Variants in GRXCR2 observed in about 807,000 individuals in gnomAD.
The protein encoded by GRXCR2 is glutaredoxin and cysteine rich domain containing 2, also known as glutaredoxin domain-containing cysteine-rich protein 2.
GRXCR2 carries 23 observed loss-of-function variants against 24.8 expected under a neutral mutation model. The observed-to-expected ratio is 0.93, with a 90% CI of 0.67 to 1.32. The LOEUF (loss-of-function observed/expected upper bound fraction) is 1.32, where lower values mean the gene tolerates loss of function less well. GRXCR2 is among the 40% of genes most tolerant of loss of function. GRXCR2 has a pLI of 0.00. For synonymous variants in GRXCR2, 130 were observed against 116.1 expected (o/e 1.12, Z -0.77); for missense variants, 315 against 303.4 (o/e 1.04, Z -0.28).
At chr5:145,875,420 G>T (rs1481672944), upstream of GRXCR2, among the ~76,000 whole-genome samples, 1 of 152,040 alleles carries the variant, frequency 6.6e-6, no homozygotes, top group Non-Finnish European at 1.5e-5. Context: ...GTGGTGGCAG[G>T]CACTTATAGT....
At chr5:145,896,111 T>C (rs56337224) in intron 2 of GRXCR2, among the ~76,000 whole-genome samples, 2,116 of 152,014 alleles carry the variant, frequency 0.014, 63 homozygotes, top group African/African-American at 0.048. Flanking sequence ...CCCTTCCTTA[T>C]ACCTTATACA....
In GRXCR2 at chr5:145,872,676, C is replaced by T. The variant is rs71594518; in HGVS notation, c.293G>A (p.Gly98Asp). The change falls in exon 1 of 3, where the codon GGC (glycine) becomes GAC (aspartate). Residue 98 changes from glycine (G) to aspartate (D), a missense_variant. Gly to Asp is a moderately conservative substitution (Grantham distance 94). Transcript: ENST00000377976. ...GTAATCGTTGAACCGAGGCTGGCCG[C>T]CTGCCAAGGTGTAGGCATTACCCTC... ...FREGNAYTLA[G>D]GQPRFNDYKA... is the part of the protein sequence containing the mutation. The T allele has an allele frequency of 0.033, 53,364 of 1,608,064 alleles. 1,356 individuals carry two copies. Among genetic ancestry groups the T allele is most frequent in the African/African-American group, 0.11 (8,324 of 74,812 alleles).
chr5:145,891,315 T>C lies in GRXCR2; in HGVS notation c.-69-24587A>G, dbSNP rs529965790. ...GACAGTGGGTTCAGCACACCGAGCA[T>C]GAGCCAAAGCAGGGTGAGGCATCAC... On this transcript the variant is annotated intron_variant, in intron 2 of 3. Coordinates refer to the GRXCR2 transcript ENST00000639411. Among the ~76,000 whole-genome samples the C allele has an allele frequency of 3.0e-4, 46 of 152,206 alleles. No individual in the cohort carries two copies. In the South Asian group the frequency reaches 9.1e-3, roughly 30 times the overall value.
chr5:145,908,002 C>A (rs1357472278), intron 2 of GRXCR2, among the ~76,000 whole-genome samples: 3 of 152,138 alleles, frequency 2.0e-5, no homozygotes, highest in Non-Finnish European at 4.4e-5. Context: ...GTCTGGACTG[C>A]AGCTGTAAGT....
At chr5:145,914,128 G>T (rs943500049) in intron 2 of GRXCR2, among the ~76,000 whole-genome samples, 3 of 152,196 alleles carry the variant, frequency 2.0e-5, no homozygotes, top group Non-Finnish European at 4.4e-5. Context: ...GGGATGGGAC[G>T]GCTGGCCACT....
intron 2 of GRXCR2, among the ~76,000 whole-genome samples, chr5:145,908,489 C>T (rs1361904806): frequency 1.3e-5 from 2 of 152,084 alleles, no homozygotes; most frequent in Admixed American, 1.3e-4. Context: ...AAGGCTCTGA[C>T]AATTTTATTT....
At chr5:145,919,074 G>A (rs1317490007) in intron 2 of GRXCR2, among the ~76,000 whole-genome samples, 1 of 152,098 alleles carries the variant, frequency 6.6e-6, no homozygotes, top group East Asian at 1.9e-4. Flanking sequence ...CTGTTCTTGC[G>A]GTCAAGTCGG....
At chr5:145,869,945 G>A (rs920186794) in intron 1 of GRXCR2, among the ~76,000 whole-genome samples, 1 of 152,118 alleles carries the variant, frequency 6.6e-6, no homozygotes, top group East Asian at 1.9e-4. Flanking sequence ...GACGTTGAAG[G>A]TCAACAGGGT....
At position 145,926,751 on chromosome 5, in the gene GRXCR2, G is replaced by C. The variant is rs1304552030; in HGVS notation, c.-70+8950C>G. Among the ~76,000 whole-genome samples the C allele has an allele frequency of 4.6e-5, 7 of 152,162 alleles. No individual in the cohort carries two copies. The South Asian group carries it at 6.2e-4, about 14-fold the overall frequency. On this transcript the variant is annotated intron_variant, in intron 2 of 3. Coordinates refer to the GRXCR2 transcript ENST00000639411. Reference sequence around the variant, plus strand: ...CATATGAACTTCAAAGTAGTTTTTAGCAATTCTGTGAAGAAAGTCATTGGT... The same window carrying C: ...CATATGAACTTCAAAGTAGTTTTTACCAATTCTGTGAAGAAAGTCATTGGT...
At chr5:145,926,160 C>A (rs1247298541) in intron 2 of GRXCR2, among the ~76,000 whole-genome samples, 1 of 152,074 alleles carries the variant, frequency 6.6e-6, no homozygotes, top group Non-Finnish European at 1.5e-5. Context: ...TGATTTATCA[C>A]TTACTTTTCT....
downstream of GRXCR2, among the ~76,000 whole-genome samples, chr5:145,858,316 C>CAAAAAAAA (rs139918161): frequency 6.6e-5 from 8 of 121,294 alleles, no homozygotes; most frequent in South Asian, 5.5e-4. Context: ...CTGTCTCCCA[C>CAAAAAAAA]AAAAAAAAAA....
intron 2 of GRXCR2, among the ~76,000 whole-genome samples, chr5:145,890,086 TTTTG>T (rs1756842985): frequency 6.6e-6 from 1 of 152,120 alleles, no homozygotes; most frequent in African/African-American, 2.4e-5. Context: ...AAAGTTTTTG[TTTTG>T]TTTGTTTGTT....
At chr5:145,875,197 T>C (rs916541833), upstream of GRXCR2, among the ~76,000 whole-genome samples, 3 of 152,188 alleles carry the variant, frequency 2.0e-5, no homozygotes, top group Non-Finnish European at 4.4e-5. Flanking sequence ...TGACTTCAAG[T>C]GAGAGAAACC....
intron 2 of GRXCR2, among the ~76,000 whole-genome samples, chr5:145,918,764 T>A (rs112292985): frequency 6.6e-6 from 1 of 152,164 alleles, no homozygotes; most frequent in Admixed American, 6.5e-5. Context: ...AGCCCCCTCA[T>A]GCTCTCCATT....
intron 2 of GRXCR2, among the ~76,000 whole-genome samples, chr5:145,919,953 C>A (rs1252309423): frequency 6.6e-6 from 1 of 152,092 alleles, no homozygotes; most frequent in Non-Finnish European, 1.5e-5. Flanking sequence ...TCTGGGCTGA[C>A]AAAACTACAT....
intron 2 of GRXCR2, among the ~76,000 whole-genome samples, chr5:145,918,589 C>A (rs976742794): frequency 6.6e-6 from 1 of 152,170 alleles, no homozygotes; most frequent in African/African-American, 2.4e-5. Context: ...TAATTATGAC[C>A]AGTTCCTGGG....
At chr5:145,930,801 A>G (rs1015836614) in intron 2 of GRXCR2, among the ~76,000 whole-genome samples, 2 of 152,186 alleles carry the variant, frequency 1.3e-5, no homozygotes, top group Admixed American at 6.5e-5. Flanking sequence ...AGAAGAAAGA[A>G]GATAAGAAGC....
chr5:145,924,980 G>A (rs1017926825), intron 2 of GRXCR2, among the ~76,000 whole-genome samples: 1 of 152,136 alleles, frequency 6.6e-6, no homozygotes, highest in African/African-American at 2.4e-5. Context: ...CTGTGCTTTA[G>A]ATGCAACACA....
At chr5:145,914,986 G>A (rs1757217471) in intron 2 of GRXCR2, among the ~76,000 whole-genome samples, 2 of 152,152 alleles carry the variant, frequency 1.3e-5, no homozygotes, top group African/African-American at 4.8e-5. Context: ...AGAGGTTCTT[G>A]GTAAGAATGA....
Sources: gnomAD v4.1 joint callset for allele counts (sites outside exome capture counted in the v4.1 genomes callset) on GRCh38, gnomAD v4.1.1 for gene constraint, MANE v1.5 for transcripts, NCBI Gene and HGNC (gene_info 2026-07-23, HGNC 2026-07-21) for gene names.